MTMR12: variants seen among roughly 807,000 people sequenced by gnomAD.
The protein encoded by MTMR12 is myotubularin related protein 12.
MTMR12 carries 33 observed loss-of-function variants against 96.7 expected under a neutral mutation model. That is an observed-to-expected ratio of 0.34 (90% confidence interval 0.26 to 0.46). The LOEUF (loss-of-function observed/expected upper bound fraction) is 0.46, where lower values mean the gene tolerates loss of function less well. Among genes scored for constraint, MTMR12 ranks in the 20% least tolerant of loss-of-function variants. MTMR12 has a pLI of 1.00. For missense variants in MTMR12, 721 were observed against 896.1 expected, an observed-to-expected ratio of 0.80 and a Z score of 2.49; for synonymous variants, 298 against 327.2, an observed-to-expected ratio of 0.91 and a Z score of 0.96.
At chr5:32,296,178 T>C (rs1340499700) in intron 1 of MTMR12, among the ~76,000 whole-genome samples, 2 of 151,760 alleles carry the variant, frequency 1.3e-5, no homozygotes, top group Non-Finnish European at 2.9e-5. Flanking sequence ...AACAAACACT[T>C]TATTAAGATA....
At position 32,312,901 on chromosome 5, in the gene MTMR12, G is replaced by A; in HGVS notation, c.-63C>T. ...GGCGGCGGCTCGGGCTCCAGCTGGG[G>A]CAGCAGCGGCGGCCACCAGCACTAG... On this transcript the variant is annotated 5_prime_UTR_variant, in exon 1 of 16. Coordinates refer to ENST00000382142, the MANE Select transcript of MTMR12 (RefSeq NM_001040446.3). The surrounding 1 kb of genome is among the most constrained non-coding windows in gnomAD (Gnocchi z 5.0). 2.1e-6 allele frequency: 3 copies of A among 1,426,570 alleles called. No individual in the cohort carries two copies. Among genetic ancestry groups the A allele is most frequent in the Non-Finnish European group, 1.8e-6 (2 of 1,084,650 alleles). The allele number at this position is 1,426,570 out of a possible 1,614,324, so 88.4% of individuals were successfully genotyped here. A position where few individuals can be genotyped will look rare whatever the true frequency, so the allele number is the denominator to read the frequency against.
At chr5:32,230,471 G>A in intron 15 of MTMR12, 124 bp from the exon 16 acceptor site, 1 of 876,658 alleles carries the variant, frequency 1.1e-6, no homozygotes, top group Non-Finnish European at 1.7e-6. Flanking sequence ...GTGTTGCCAT[G>A]TGAATGCACA....
Position 32,271,834 on chromosome 5 carries a change from T to G in MTMR12, c.357A>C (p.Gly119=), listed in dbSNP as rs1292578327. 1 of 1,551,748 alleles carries G rather than the reference T, an allele frequency of 6.4e-7. No individual in the cohort carries two copies. Among genetic ancestry groups the G allele is most frequent in the East Asian group, 2.3e-5 (1 of 43,132 alleles). Residue 119 remains glycine (G), a splice_region_variant and synonymous_variant, in exon 4 of 16, where the codon GGA becomes GGC. Coordinates refer to ENST00000382142, the MANE Select transcript of MTMR12 (RefSeq NM_001040446.3). The stretch of plus-strand genomic sequence containing the variant: ...CCCCAGGGAAAAACAGATACTTACC[T>G]CCATAAATCTGATCAACACAGTGGA... ...ITLHCVDQIY[G]VFDEKKKTLF... is the part of the protein sequence containing the mutation.
chr5:32,294,657 A>T (rs1750860201), intron 1 of MTMR12, among the ~76,000 whole-genome samples: 1 of 152,144 alleles, frequency 6.6e-6, no homozygotes, highest in Non-Finnish European at 1.5e-5. Flanking sequence ...CTGTCTTGCC[A>T]ACCAATGATA....
chr5:32,243,526 T>C lies in MTMR12; in HGVS notation c.1095A>G (p.Ile365Met). ...SLLESSSWLD[I>M]IRRCLKKAIE... Reference sequence around the variant, plus strand: ...AAAACAATGGTTTGAAATACCTGATTATGTCAAGCCAGCTGCTACTTTCCA... The same window carrying C: ...AAAACAATGGTTTGAAATACCTGATCATGTCAAGCCAGCTGCTACTTTCCA... The change falls in exon 11 of 16, where the codon ATA becomes ATG. Residue 365 changes from isoleucine to methionine, a missense_variant. Transcript: ENST00000382142. 6.2e-7 allele frequency: 1 copy of C among 1,608,810 alleles called. No individual in the cohort carries two copies. The highest frequency in any genetic ancestry group is 8.5e-7 in the Non-Finnish European group (1 of 1,175,610).
At position 32,277,571 on chromosome 5, in the gene MTMR12, T is replaced by A. The variant is rs189807946; in HGVS notation, c.82-829A>T. ...AAAATTAGCCAGGCATGGTAGTGAG[T>A]GCCTGTAATCCCAGCTACTTGGGAG... On this transcript the variant is annotated intron_variant, in intron 1 of 15. Transcript: ENST00000382142. 5.2e-3 allele frequency among the ~76,000 whole-genome samples: 787 copies of A among 151,994 alleles called. 9 individuals are homozygous for A. Among genetic ancestry groups the A allele is most frequent in the African/African-American group, 0.018 (755 of 41,446 alleles).
chr5:32,240,183 G>A (rs957303711), intron 12 of MTMR12, among the ~76,000 whole-genome samples: 12 of 152,126 alleles, frequency 7.9e-5, no homozygotes, highest in Admixed American at 4.6e-4. Context: ...GGTGGATCAC[G>A]ATGTCAGGAG....
At chr5:32,277,289 A>G (rs770284007) in intron 1 of MTMR12, among the ~76,000 whole-genome samples, 6 of 152,194 alleles carry the variant, frequency 3.9e-5, no homozygotes, top group Non-Finnish European at 5.9e-5. Flanking sequence ...TAGGACTGAT[A>G]ACTAGTAGCT....
intron 1 of MTMR12, among the ~76,000 whole-genome samples, chr5:32,297,449 C>T (rs1028003772): frequency 1.3e-5 from 2 of 152,162 alleles, no homozygotes; most frequent in African/African-American, 4.8e-5. Flanking sequence ...AGGCAATGAC[C>T]TTGGACAATT....
At chr5:32,301,915 AAAAC>A (rs370055283) in intron 1 of MTMR12, among the ~76,000 whole-genome samples, 30 of 152,250 alleles carry the variant, frequency 2.0e-4, no homozygotes, top group Non-Finnish European at 3.4e-4. Context: ...CAAAAAATAA[AAAAC>A]AAACAAAAAA....
At chr5:32,266,895 T>C (rs1471003491) in intron 6 of MTMR12, among the ~76,000 whole-genome samples, 1 of 151,668 alleles carries the variant, frequency 6.6e-6, no homozygotes, top group African/African-American at 2.4e-5. Flanking sequence ...CTGGCCAACA[T>C]GGTGAAACCC....
At chr5:32,250,063 T>C (rs1309017647) in intron 8 of MTMR12, among the ~76,000 whole-genome samples, 3 of 152,228 alleles carry the variant, frequency 2.0e-5, no homozygotes, top group African/African-American at 7.2e-5. Flanking sequence ...GTGTTGGATA[T>C]GCTAGCAGTG....
chr5:32,246,533 G>A (rs941444876), intron 10 of MTMR12, among the ~76,000 whole-genome samples: 2 of 152,280 alleles, frequency 1.3e-5, no homozygotes, highest in South Asian at 2.1e-4. Flanking sequence ...CTATGGAGTT[G>A]ACTATTGTTT....
chr5:32,300,510 C>G (rs1239387066), intron 1 of MTMR12, among the ~76,000 whole-genome samples: 1 of 152,086 alleles, frequency 6.6e-6, no homozygotes, highest in Non-Finnish European at 1.5e-5. Flanking sequence ...TCCTCTGTAA[C>G]AGGACCAGAC....
At chr5:32,234,311 A>G (rs1748121121) in intron 14 of MTMR12, among the ~76,000 whole-genome samples, 1 of 152,194 alleles carries the variant, frequency 6.6e-6, no homozygotes, top group South Asian at 2.1e-4. Flanking sequence ...TGTTGCTCCT[A>G]CTTCACTGGG....
At chr5:32,275,454 C>T (rs1481141027) in intron 2 of MTMR12, among the ~76,000 whole-genome samples, 1 of 152,160 alleles carries the variant, frequency 6.6e-6, no homozygotes, top group African/African-American at 2.4e-5. Flanking sequence ...AAGACCAGGC[C>T]AGCCCCGTCC....
intron 6 of MTMR12, among the ~76,000 whole-genome samples, chr5:32,265,560 T>TTGTAA (rs1749555713): frequency 6.6e-6 from 1 of 152,250 alleles, no homozygotes; most frequent in Non-Finnish European, 1.5e-5. Flanking sequence ...TTTGTATATG[T>TTGTAA]CATATTGCCA....
At chr5:32,270,161 T>G (rs1414178445) in intron 5 of MTMR12, among the ~76,000 whole-genome samples, 1 of 151,728 alleles carries the variant, frequency 6.6e-6, no homozygotes, top group East Asian at 1.9e-4. Context: ...AAATCTTGGA[T>G]ACCACTGGAC....
intron 1 of MTMR12, among the ~76,000 whole-genome samples, chr5:32,290,382 T>C (rs1477278937): frequency 6.6e-6 from 1 of 152,168 alleles, no homozygotes; most frequent in African/African-American, 2.4e-5. Flanking sequence ...TGTCAGAGGA[T>C]GGGAACTAAA....
Sources: allele counts gnomAD v4.1 joint callset (sites outside exome capture counted in the v4.1 genomes callset), GRCh38; gene constraint gnomAD v4.1.1; non-coding constraint Gnocchi (gnomAD v3.1); transcripts MANE v1.5; gene names NCBI Gene and HGNC (gene_info 2026-07-23, HGNC 2026-07-21).